ERBB4: variants seen among roughly 807,000 people sequenced by gnomAD.
The protein encoded by ERBB4 is erb-b2 receptor tyrosine kinase 4, also known as receptor tyrosine-protein kinase erbB-4.
A neutral mutation model predicts 158.0 loss-of-function variants in ERBB4; 42 were observed. The ratio of observed to expected loss-of-function variants is 0.27; its 90% confidence interval spans 0.21 to 0.34. ERBB4 has a LOEUF of 0.34. ERBB4 is among the 10% of genes least tolerant of loss of function. ERBB4 has a pLI of 1.00. For missense variants in ERBB4, 1,333 were observed against 1,624.1 expected (o/e 0.82, Z 3.08); for synonymous variants, 583 against 558.7 (o/e 1.04, Z -0.61).
At position 212,311,697 on chromosome 2, in the gene ERBB4, G is replaced by T. The variant is rs573758795; in HGVS notation, c.83-186794C>A. On this transcript the variant is annotated intron_variant, in intron 1 of 27. Transcript: ENST00000342788. ...TAAAAACCACAAATGGGACCATTTTGCAGAATATATTCATAACAATTTTGG... is the reference window on the plus strand; with the variant it reads ...TAAAAACCACAAATGGGACCATTTTTCAGAATATATTCATAACAATTTTGG... Among the ~76,000 whole-genome samples, 24 of 151,018 alleles carry T rather than the reference G, an allele frequency of 1.6e-4. No individual in the cohort carries two copies. The East Asian group carries it at 3.1e-3, about 20-fold the overall frequency.
chr2:212,153,149 C>T (rs1321049099), intron 1 of ERBB4, among the ~76,000 whole-genome samples: 1 of 152,196 alleles, frequency 6.6e-6, no homozygotes, highest in Non-Finnish European at 1.5e-5. Context: ...GGGGAACCTA[C>T]TAAAAATCTT....
At chr2:211,429,449 G>A (rs1253892715) in intron 21 of ERBB4, among the ~76,000 whole-genome samples, 1 of 152,138 alleles carries the variant, frequency 6.6e-6, no homozygotes, top group Non-Finnish European at 1.5e-5. Context: ...CTATATAAAA[G>A]AATGTGAAAG....
intron 18 of ERBB4, among the ~76,000 whole-genome samples, chr2:211,623,037 ATATATAT>A (rs1335896639): frequency 3.7e-5 from 4 of 107,338 alleles, no homozygotes; most frequent in Non-Finnish European, 5.6e-5. Context: ...ATATATATAT[ATATATAT>A]AAAATGCCAA....
intron 2 of ERBB4, among the ~76,000 whole-genome samples, chr2:212,049,705 C>A (rs1268671087): frequency 6.6e-6 from 1 of 152,156 alleles, no homozygotes; most frequent in African/African-American, 2.4e-5. Context: ...TTATGATTGC[C>A]TGTTCTCTAC....
intron 4 of ERBB4, among the ~76,000 whole-genome samples, chr2:211,759,361 T>C (rs2075356053): frequency 2.0e-5 from 3 of 152,262 alleles, no homozygotes; most frequent in African/African-American, 7.2e-5. Context: ...CAGAGCGATC[T>C]TTTTAGTCAG....
At chr2:212,139,559 C>T (rs1347762840) in intron 1 of ERBB4, among the ~76,000 whole-genome samples, 1 of 151,668 alleles carries the variant, frequency 6.6e-6, no homozygotes, top group African/African-American at 2.4e-5. Flanking sequence ...TGATTTTTTT[C>T]CTTATATAAG....
At chr2:212,222,589 G>A (rs1053264893) in intron 1 of ERBB4, among the ~76,000 whole-genome samples, 1 of 150,376 alleles carries the variant, frequency 6.6e-6, no homozygotes, top group Non-Finnish European at 1.5e-5. Flanking sequence ...ATATTCGCCT[G>A]GTTTTCATGA....
chr2:211,669,161 T>G (rs1260936834), intron 14 of ERBB4, among the ~76,000 whole-genome samples: 1 of 138,986 alleles, frequency 7.2e-6, no homozygotes, highest in African/African-American at 2.8e-5. Flanking sequence ...AAGCAGAGGT[T>G]GCCGTGAGCT....
At chr2:212,063,256 A>T (rs1397763393) in intron 2 of ERBB4, among the ~76,000 whole-genome samples, 1 of 152,158 alleles carries the variant, frequency 6.6e-6, no homozygotes, top group African/African-American at 2.4e-5. Flanking sequence ...GATGATTTAG[A>T]ACAAGAAAAA....
At chr2:211,402,235 C>A (rs565745019) in intron 25 of ERBB4, among the ~76,000 whole-genome samples, 3 of 151,938 alleles carry the variant, frequency 2.0e-5, no homozygotes, top group Non-Finnish European at 4.4e-5. Flanking sequence ...AAGTAGATAA[C>A]CAACCGGTTA....
intron 4 of ERBB4, 63 bp from the exon 5 acceptor site, chr2:211,750,767 GTAACTCC>G: frequency 7.3e-7 from 1 of 1,371,470 alleles, no homozygotes; most frequent in Non-Finnish European, 1.0e-6. Context: ...TTGACTAGGA[GTAACTCC>G]TCAAAGGAAA....
Position 211,623,931 on chromosome 2 carries a change from C to G in ERBB4, c.2193G>C (p.Thr731=), listed in dbSNP as rs570149928. The G allele has an allele frequency of 1.2e-6, 2 of 1,613,960 alleles. No homozygotes were observed. The highest frequency in any genetic ancestry group is 1.3e-5 in the African/African-American group (1 of 75,004). ...GTTGTTTTTTACTTACTTTATAAAC[C>G]GTTCCAAAAGCACCTGAGCCAAGGA... is the stretch of plus-strand genomic sequence containing the variant. ...VKVLGSGAFG[T]VYKGIWVPEG... Residue 731 remains threonine, a synonymous_variant, in exon 18 of 28, where the codon ACG becomes ACC. Coordinates refer to ENST00000342788, the MANE Select transcript of ERBB4 (RefSeq NM_005235.3).
intron 2 of ERBB4, among the ~76,000 whole-genome samples, chr2:212,119,014 A>C (rs1214009093): frequency 6.6e-6 from 1 of 152,004 alleles, no homozygotes; most frequent in Non-Finnish European, 1.5e-5. Context: ...TTCATTTATT[A>C]GAAATAAAAG....
chr2:212,349,044 T>C (rs1034306050), intron 1 of ERBB4, among the ~76,000 whole-genome samples: 3 of 152,102 alleles, frequency 2.0e-5, no homozygotes, highest in Non-Finnish European at 4.4e-5. Flanking sequence ...GTCAATATTT[T>C]ATTTCGAAAA....
intron 1 of ERBB4, among the ~76,000 whole-genome samples, chr2:212,485,577 G>A (rs1689928731): frequency 6.6e-6 from 1 of 152,174 alleles, no homozygotes; most frequent in South Asian, 2.1e-4. Flanking sequence ...AGATGAATAT[G>A]TCAGTAATAA....
At chr2:212,147,757 T>G (rs1027746008) in intron 1 of ERBB4, among the ~76,000 whole-genome samples, 3 of 152,188 alleles carry the variant, frequency 2.0e-5, no homozygotes, top group African/African-American at 7.2e-5. Context: ...AGAAACATTG[T>G]AAAGTTTTGT....
chr2:211,765,082 C>T (rs1435722919), intron 4 of ERBB4, among the ~76,000 whole-genome samples: 1 of 152,108 alleles, frequency 6.6e-6, no homozygotes, highest in East Asian at 1.9e-4. Flanking sequence ...GTGCCCCTCC[C>T]CATCTCACTC....
chr2:211,677,129 C>A (rs2072107116), intron 13 of ERBB4, among the ~76,000 whole-genome samples: 1 of 152,062 alleles, frequency 6.6e-6, no homozygotes, highest in African/African-American at 2.4e-5. Flanking sequence ...AGAGACATGT[C>A]AATATCATTA....
intron 1 of ERBB4, among the ~76,000 whole-genome samples, chr2:212,142,601 T>TA (rs1482203126): frequency 2.0e-5 from 3 of 146,828 alleles, no homozygotes; most frequent in African/African-American, 7.4e-5. Context: ...TATATATATA[T>TA]AATATTAAAA....
Sources: gnomAD v4.1 joint callset for allele counts (sites outside exome capture counted in the v4.1 genomes callset) on GRCh38, gnomAD v4.1.1 for gene constraint, MANE v1.5 for transcripts, NCBI Gene and HGNC (gene_info 2026-07-23, HGNC 2026-07-21) for gene names.